The following CATSPERB variants were observed in gnomAD, a reference collection of about 807,000 sequenced individuals.
CATSPERB encodes catsper channel auxiliary subunit beta, also known as cation channel sperm-associated auxiliary subunit beta.
In CATSPERB, 93 loss-of-function variants were observed where a neutral mutation model predicts 128.3. The ratio of observed to expected loss-of-function variants is 0.72; its 90% CI spans 0.61 to 0.86. The LOEUF is 0.86. CATSPERB is among the 40% of genes least tolerant of loss of function. The pLI is 0.00. For synonymous variants in CATSPERB, 381 were observed against 448.8 expected, an observed-to-expected ratio of 0.85 and a Z score of 1.91; for missense variants, 1,153 against 1,329.5, an observed-to-expected ratio of 0.87 and a Z score of 2.06.
At chr14:91,656,424 T>C (rs976226491) in intron 15 of CATSPERB, among the ~76,000 whole-genome samples, 2 of 152,116 alleles carry the variant, frequency 1.3e-5, no homozygotes, top group African/African-American at 2.4e-5. Flanking sequence ...TAAGATATTA[T>C]GGTAACCTAG....
chr14:91,703,999 C>T (rs1331936248), intron 7 of CATSPERB, among the ~76,000 whole-genome samples: 1 of 152,110 alleles, frequency 6.6e-6, no homozygotes, highest in East Asian at 1.9e-4. Flanking sequence ...TCTGTGCTAA[C>T]TCCAGATAGC....
At chr14:91,651,231 T>C (rs1894699046) in intron 15 of CATSPERB, among the ~76,000 whole-genome samples, 1 of 152,180 alleles carries the variant, frequency 6.6e-6, no homozygotes, top group South Asian at 2.1e-4. Flanking sequence ...TTCATCCTCT[T>C]TCTTCTTGCT....
At chr14:91,662,666 C>T (rs61990388) in intron 14 of CATSPERB, among the ~76,000 whole-genome samples, 11,715 of 152,218 alleles carry the variant, frequency 0.077, 496 homozygotes, top group Middle Eastern at 0.16. Flanking sequence ...ACTCTCCCAG[C>T]AGCAATATAT....
At chr14:91,682,027 C>A (rs1278157524) in intron 11 of CATSPERB, among the ~76,000 whole-genome samples, 1 of 152,170 alleles carries the variant, frequency 6.6e-6, no homozygotes, top group Non-Finnish European at 1.5e-5. Context: ...TGAAACTAAC[C>A]TTTTTGCTGA....
At chr14:91,587,102 C>G in intron 26 of CATSPERB, 100 bp downstream of exon 26, 1 of 907,990 alleles carries the variant, frequency 1.1e-6, no homozygotes, top group South Asian at 1.8e-5. Flanking sequence ...GTCCATCACA[C>G]AAATTCTGCC....
intron 15 of CATSPERB, among the ~76,000 whole-genome samples, chr14:91,652,596 G>A (rs12896229): frequency 0.29 from 41,928 of 143,808 alleles, 6,874 homozygotes; most frequent in Admixed American, 0.49. Context: ...GCTTGAACCC[G>A]GGAGGCGGAG....
At chr14:91,705,748 A>G (rs539761534) in intron 6 of CATSPERB, among the ~76,000 whole-genome samples, 2 of 152,328 alleles carry the variant, frequency 1.3e-5, no homozygotes, top group African/African-American at 2.4e-5. Context: ...GTGCTCCAAT[A>G]GGACTCTGCA....
At chr14:91,721,960 G>T (rs913703051) in intron 4 of CATSPERB, among the ~76,000 whole-genome samples, 3 of 152,216 alleles carry the variant, frequency 2.0e-5, no homozygotes, top group Middle Eastern at 3.4e-3. Context: ...CTACTCAGGA[G>T]GCTGAGGCAG....
At chr14:91,654,309 T>C (rs1894753389) in intron 15 of CATSPERB, among the ~76,000 whole-genome samples, 1 of 151,798 alleles carries the variant, frequency 6.6e-6, no homozygotes. Flanking sequence ...GCTCCTGGGG[T>C]CTCTGATTCC....
At chr14:91,665,768 G>A (rs867733281) in intron 14 of CATSPERB, among the ~76,000 whole-genome samples, 56 of 152,224 alleles carry the variant, frequency 3.7e-4, no homozygotes, top group African/African-American at 1.3e-3. Flanking sequence ...TACTTGGGAG[G>A]CTGAGGCAGG....
chr14:91,673,355 C>A (rs1464199629), intron 12 of CATSPERB, among the ~76,000 whole-genome samples: 1 of 152,176 alleles, frequency 6.6e-6, no homozygotes, highest in Non-Finnish European at 1.5e-5. Context: ...ACCTTCCTTT[C>A]TGTGTAAATC....
chr14:91,643,010 G>C (rs1894526310), intron 15 of CATSPERB, among the ~76,000 whole-genome samples: 1 of 109,558 alleles, frequency 9.1e-6, no homozygotes, highest in African/African-American at 3.6e-5. Flanking sequence ...GGTGTTTGTA[G>C]TATTCTCTGA....
intron 14 of CATSPERB, among the ~76,000 whole-genome samples, chr14:91,662,528 T>C (rs1167295965): frequency 6.6e-6 from 1 of 152,182 alleles, no homozygotes; most frequent in African/African-American, 2.4e-5. Flanking sequence ...CATTTTAAAA[T>C]GTCTCCGGAT....
intron 20 of CATSPERB, among the ~76,000 whole-genome samples, chr14:91,616,112 C>T (rs1893931394): frequency 6.6e-6 from 1 of 152,176 alleles, no homozygotes; most frequent in Non-Finnish European, 1.5e-5. Flanking sequence ...ATCTCCCAAC[C>T]TCAGGTGATC....
chr14:91,720,534 T>C (rs1434921998), intron 4 of CATSPERB, among the ~76,000 whole-genome samples: 1 of 151,608 alleles, frequency 6.6e-6, no homozygotes, highest in African/African-American at 2.4e-5. Context: ...ACAAAAGAAG[T>C]ATAAAACTTA....
chr14:91,719,558 A>C lies in CATSPERB; in HGVS notation c.310-80T>G. On this transcript the variant is annotated intron_variant, in intron 4 of 26. Transcript: ENST00000256343. The stretch of plus-strand genomic sequence containing the variant: ...TCACATTCTATGCTATATTTTTAAA[A>C]GAGAATTAAACAAAAACATCCAATG... 4.4e-6 allele frequency: 5 copies of C among 1,145,202 alleles called. No individual in the cohort carries two copies. The South Asian group carries it at 7.6e-5, about 17-fold the overall frequency. The allele number at this position is 1,145,202 out of a possible 1,614,324, so 70.9% of individuals were successfully genotyped here. A position where few individuals can be genotyped will look rare whatever the true frequency, so the allele number is the denominator to read the frequency against.
intron 15 of CATSPERB, among the ~76,000 whole-genome samples, chr14:91,647,731 T>C (rs913034383): frequency 7.9e-5 from 12 of 152,276 alleles, no homozygotes; most frequent in Admixed American, 1.3e-4. Context: ...GCCCCCATGA[T>C]TAAATTACCT....
At chr14:91,731,694 G>A (rs1306703681) in intron 1 of CATSPERB, among the ~76,000 whole-genome samples, 2 of 152,060 alleles carry the variant, frequency 1.3e-5, no homozygotes, top group African/African-American at 4.8e-5. Flanking sequence ...ATTACCCCCA[G>A]TTATCATTCC....
chr14:91,697,591 T>C (rs894244162), intron 7 of CATSPERB, among the ~76,000 whole-genome samples: 1 of 152,202 alleles, frequency 6.6e-6, no homozygotes, highest in Non-Finnish European at 1.5e-5. Context: ...CATTTTTCTT[T>C]TGTGTATGGC....
Sources: gnomAD v4.1 joint callset for allele counts (sites outside exome capture counted in the v4.1 genomes callset) on GRCh38, gnomAD v4.1.1 for gene constraint, MANE v1.5 for transcripts, NCBI Gene and HGNC (gene_info 2026-07-23, HGNC 2026-07-21) for gene names.